Variants in ATP8B4 observed in about 807,000 individuals in gnomAD.
ATP8B4 encodes probable phospholipid-transporting ATPase IM.
In ATP8B4, 133 loss-of-function variants were observed where a neutral mutation model predicts 145.6. The ratio of observed to expected loss-of-function variants is 0.91; its 90% CI spans 0.79 to 1.05. The LOEUF is 1.05. Ranked by LOEUF, ATP8B4 falls within the 50% of genes least tolerant of loss-of-function variation. The pLI, the probability that ATP8B4 is intolerant of heterozygous loss-of-function variation, is 0.00. For missense variants in ATP8B4, 1,458 were observed against 1,425.2 expected (o/e 1.02, Z -0.37); for synonymous variants, 507 against 492.9 (o/e 1.03, Z -0.38).
intron 2 of ATP8B4, among the ~76,000 whole-genome samples, chr15:50,084,185 G>A (rs917056048): frequency 1.3e-5 from 2 of 152,080 alleles, no homozygotes; most frequent in African/African-American, 4.8e-5. Flanking sequence ...TGCCATCTAA[G>A]ACGGGGTAAA....
chr15:50,059,892 G>T (rs544011316), intron 3 of ATP8B4, among the ~76,000 whole-genome samples: 2 of 152,256 alleles, frequency 1.3e-5, no homozygotes, highest in African/African-American at 4.8e-5. Flanking sequence ...AAACCTAGGG[G>T]TCTGTGGCCT....
intron 23 of ATP8B4, among the ~76,000 whole-genome samples, chr15:49,890,535 T>C (rs1348265876): frequency 1.3e-5 from 2 of 152,146 alleles, no homozygotes; most frequent in Non-Finnish European, 2.9e-5. Context: ...ACACATGGTG[T>C]TGGAGGCCAA....
intron 6 of ATP8B4, among the ~76,000 whole-genome samples, chr15:50,016,192 T>C (rs140510794): frequency 5.3e-4 from 80 of 152,314 alleles, no homozygotes; most frequent in African/African-American, 1.8e-3. Flanking sequence ...GGAAATGTAT[T>C]CTCTTTCATC....
At chr15:50,150,350 T>A (rs1035784345) in intron 1 of ATP8B4, among the ~76,000 whole-genome samples, 1 of 152,186 alleles carries the variant, frequency 6.6e-6, no homozygotes, top group African/African-American at 2.4e-5. Context: ...CTACCCCAGA[T>A]CCATTTCTCA....
chr15:50,136,028 C>T (rs1242997996), intron 1 of ATP8B4, among the ~76,000 whole-genome samples: 1 of 152,200 alleles, frequency 6.6e-6, no homozygotes, highest in African/African-American at 2.4e-5. Context: ...TTGATATAAC[C>T]ATGACATTTA....
intron 1 of ATP8B4, among the ~76,000 whole-genome samples, chr15:50,117,242 G>A (rs1037953450): frequency 9.9e-5 from 15 of 152,034 alleles, no homozygotes; most frequent in African/African-American, 2.7e-4. Context: ...TAGAGAGGGC[G>A]TTTCATCATG....
intron 3 of ATP8B4, among the ~76,000 whole-genome samples, chr15:50,052,681 A>G (rs1302502054): frequency 1.3e-5 from 2 of 152,148 alleles, no homozygotes; most frequent in African/African-American, 2.4e-5. Context: ...AGGCAATGTC[A>G]TTGCTTCTCT....
chr15:50,022,909 C>T (rs1161517476), intron 6 of ATP8B4, among the ~76,000 whole-genome samples: 1 of 152,208 alleles, frequency 6.6e-6, no homozygotes, highest in Non-Finnish European at 1.5e-5. Flanking sequence ...TTCATTGGCA[C>T]TACTCAAACC....
Position 49,860,309 on chromosome 15 carries a change from G to A in ATP8B4, c.3464C>T (p.Pro1155Leu), listed in dbSNP as rs2031400491. 1 of 1,613,990 alleles carries A rather than the reference G, an allele frequency of 6.2e-7. No homozygotes were observed. The highest frequency in any genetic ancestry group is 8.5e-7 in the Non-Finnish European group (1 of 1,180,004). The change falls in exon 28 of 28, where the codon CCA (proline) becomes CTA (leucine). Residue 1155 changes from proline (P) to leucine (L), a missense_variant. Physicochemically the swap from Pro to Leu is moderately conservative, Grantham distance 98 (BLOSUM62 -3). Coordinates refer to ENST00000284509, the MANE Select transcript of ATP8B4 (RefSeq NM_024837.4). Reference sequence around the variant, plus strand: ...ATGTGTCTTTTCCAGCCCTGATGTTGGGGGTGGATTTTTAGCTCGCATATT... The same window carrying A: ...ATGTGTCTTTTCCAGCCCTGATGTTAGGGGTGGATTTTTAGCTCGCATATT... Reference protein sequence around the residue: ...GKNMRAKNPPPTSGLEKTHYN... With the variant: ...GKNMRAKNPPLTSGLEKTHYN...
At chr15:49,869,293 G>A (rs1391755524) in intron 25 of ATP8B4, among the ~76,000 whole-genome samples, 1 of 151,980 alleles carries the variant, frequency 6.6e-6, no homozygotes, top group African/African-American at 2.4e-5. Context: ...AGAATTAAAA[G>A]TAATCAGAAA....
At chr15:50,000,435 C>T (rs2047790707) in intron 8 of ATP8B4, among the ~76,000 whole-genome samples, 1 of 148,200 alleles carries the variant, frequency 6.7e-6, no homozygotes, top group Admixed American at 6.6e-5. Context: ...GCTTGTATTT[C>T]CTCAGTAGTT....
intron 12 of ATP8B4, among the ~76,000 whole-genome samples, chr15:49,973,756 C>CATA (rs1306160331): frequency 2.0e-5 from 3 of 152,166 alleles, no homozygotes. Context: ...CAACGTCATA[C>CATA]ATAATGCCAA....
upstream of ATP8B4, chr15:50,119,582 G>A (rs1309186089): frequency 6.6e-6 from 1 of 152,182 alleles, no homozygotes; most frequent in Non-Finnish European, 1.5e-5. Flanking sequence ...GGCTTCCTCT[G>A]TGGGAATCAA....
chr15:50,054,738 C>T (rs1005860538), intron 3 of ATP8B4, among the ~76,000 whole-genome samples: 6 of 122,384 alleles, frequency 4.9e-5, no homozygotes, highest in Non-Finnish European at 3.2e-5. Flanking sequence ...GAGCCGAGAT[C>T]GTGCCACTGC....
At chr15:50,175,189 A>T (rs2044743842) in intron 1 of ATP8B4, among the ~76,000 whole-genome samples, 2 of 152,232 alleles carry the variant, frequency 1.3e-5, no homozygotes, top group Admixed American at 1.3e-4. Flanking sequence ...AAACTATAAA[A>T]ATTCTAGAAC....
intron 6 of ATP8B4, among the ~76,000 whole-genome samples, chr15:50,031,262 A>G (rs893295982): frequency 5.9e-5 from 9 of 152,146 alleles, no homozygotes; most frequent in African/African-American, 2.2e-4. Context: ...TTTCTCCTCA[A>G]AATCTTCTTT....
At chr15:49,917,287 C>T (rs2039839496) in intron 19 of ATP8B4, 2 of 418,650 alleles carry the variant, frequency 4.8e-6, no homozygotes, top group South Asian at 6.0e-5. Flanking sequence ...GCAGCCTTCT[C>T]ATCTAGTTTT....
chr15:50,111,286 G>C (rs1293011009), intron 1 of ATP8B4, among the ~76,000 whole-genome samples: 1 of 152,212 alleles, frequency 6.6e-6, no homozygotes, highest in Admixed American at 6.5e-5. Flanking sequence ...CAAGCAACCT[G>C]CTGATAATAA....
chr15:50,066,039 A>G (rs925023716), intron 3 of ATP8B4, among the ~76,000 whole-genome samples: 4 of 151,682 alleles, frequency 2.6e-5, no homozygotes, highest in Non-Finnish European at 5.9e-5. Flanking sequence ...GGCAAACTAA[A>G]TTAGGGAAAC....
Sources: gnomAD v4.1 joint callset for allele counts (sites outside exome capture counted in the v4.1 genomes callset) on GRCh38, gnomAD v4.1.1 for gene constraint, MANE v1.5 for transcripts, NCBI Gene and HGNC (gene_info 2026-07-23, HGNC 2026-07-21) for gene names.